Variants in MIA2 observed in about 807,000 individuals in gnomAD.
MIA2 encodes melanoma inhibitory activity protein 2.
A neutral mutation model predicts 167.8 loss-of-function variants in MIA2; 127 were observed. The ratio of observed to expected loss-of-function variants is 0.76; its 90% confidence interval spans 0.66 to 0.88. The LOEUF is 0.88. Ranked by LOEUF, MIA2 falls within the 40% of genes least tolerant of loss-of-function variation. The pLI is 0.00. For missense variants in MIA2, 1,690 were observed against 1,624.7 expected (o/e 1.04, Z -0.69); for synonymous variants, 552 against 541.9 (o/e 1.02, Z -0.26).
At position 39,266,047 on chromosome 14, in the gene MIA2, C is replaced by G. The variant is rs1048017612; in HGVS notation, c.1888-10887C>G. 5.1e-6 allele frequency: 5 copies of G among 985,330 alleles called. No individual in the cohort carries two copies. The Admixed American group carries it at 1.8e-4, about 36-fold the overall frequency. The allele number at this position is 985,330 out of a possible 1,614,324, so 61.0% of individuals were successfully genotyped here. On this transcript the variant is annotated intron_variant, in intron 6 of 28. Coordinates refer to ENST00000640607, the MANE Select transcript of MIA2 (RefSeq NM_001329214.4). ...AAAAATCACTTGCTGTGAACTTGGG[C>G]CAGTTTTTGATTTTTTAAATGGCAT...
intron 6 of MIA2, among the ~76,000 whole-genome samples, chr14:39,261,949 A>T (rs976166244): frequency 3.0e-4 from 46 of 151,886 alleles, no homozygotes; most frequent in African/African-American, 1.1e-3. Context: ...TTGCCTGTTC[A>T]CTCTGATGGT....
At chr14:39,283,002 C>G (rs1566715250) in intron 9 of MIA2, among the ~76,000 whole-genome samples, 2 of 152,232 alleles carry the variant, frequency 1.3e-5, no homozygotes, top group Non-Finnish European at 2.9e-5. Flanking sequence ...ATTTTTCTTT[C>G]TATATCTGGC....
intron 26 of MIA2, among the ~76,000 whole-genome samples, chr14:39,347,299 G>A (rs117015060): frequency 5.3e-5 from 8 of 152,180 alleles, no homozygotes; most frequent in East Asian, 1.9e-4. Flanking sequence ...CATTTATTTC[G>A]GAACAGTAGC....
chr14:39,285,140 A>G (rs2059437633), intron 9 of MIA2, among the ~76,000 whole-genome samples: 1 of 152,170 alleles, frequency 6.6e-6, no homozygotes, highest in Admixed American at 6.5e-5. Context: ...GAAGTCTCCC[A>G]TGTCTACTTC....
intron 22 of MIA2, among the ~76,000 whole-genome samples, chr14:39,318,735 T>A (rs981416098): frequency 6.6e-6 from 1 of 152,162 alleles, no homozygotes; most frequent in African/African-American, 2.4e-5. Flanking sequence ...TAATGGGATT[T>A]CCAGTGTTGT....
At chr14:39,317,006 G>A (rs2065578517) in intron 21 of MIA2, among the ~76,000 whole-genome samples, 1 of 152,162 alleles carries the variant, frequency 6.6e-6, no homozygotes, top group Admixed American at 6.5e-5. Flanking sequence ...ATTTAGTGAA[G>A]TCTTCTAAGG....
intron 2 of MIA2, among the ~76,000 whole-genome samples, chr14:39,239,222 A>G (rs1185824015): frequency 1.3e-5 from 2 of 152,110 alleles, no homozygotes; most frequent in East Asian, 3.8e-4. Context: ...GCAGTTCCCA[A>G]CTTTCCCTAC....
intron 13 of MIA2, among the ~76,000 whole-genome samples, chr14:39,298,534 T>TTTTTTTTTTTTG (rs2061844392): frequency 7.7e-6 from 1 of 129,916 alleles, no homozygotes; most frequent in Non-Finnish European, 1.7e-5. Flanking sequence ...AACAGAGTTT[T>TTTTTTTTTTTTG]TTTTTTTTTT....
intron 24 of MIA2, among the ~76,000 whole-genome samples, chr14:39,324,562 A>G (rs2067081816): frequency 2.0e-5 from 3 of 152,130 alleles, no homozygotes; most frequent in Admixed American, 2.0e-4. Context: ...TTGTTCTCTT[A>G]AAGGAGGTAC....
chr14:39,286,988 A>G (rs1566739426), intron 9 of MIA2, among the ~76,000 whole-genome samples: 3 of 152,076 alleles, frequency 2.0e-5, no homozygotes, highest in Non-Finnish European at 4.4e-5. Flanking sequence ...GGCCTCCCAA[A>G]GTGCTGGCAT....
chr14:39,236,989 T>C lies in MIA2; in HGVS notation c.183T>C (p.Thr61=), dbSNP rs1342786036. The C allele has an allele frequency of 2.5e-6, 4 of 1,614,040 alleles. No individual in the cohort carries two copies. Among genetic ancestry groups the C allele is most frequent in the Non-Finnish European group, 3.4e-6 (4 of 1,179,906 alleles). ...RGPDCRYLNF[T]KGEEISVYVK... ...CTGACTGCCGATACCTGAACTTCAC[T>C]AAGGGAGAAGAGATATCTGTTTATG... The change falls in exon 2 of 29, where the codon ACT becomes ACC. Residue 61 remains threonine (T), a synonymous_variant. Transcript: ENST00000640607.
At chr14:39,274,445 T>G (rs78140866) in intron 6 of MIA2, among the ~76,000 whole-genome samples, 5 of 150,930 alleles carry the variant, frequency 3.3e-5, no homozygotes, top group Admixed American at 6.6e-5. Flanking sequence ...TTTTTTTTTT[T>G]TGAGATGGAG....
At chr14:39,363,783 A>T (rs980287201) in intron 23 of MIA2, among the ~76,000 whole-genome samples, 2 of 152,240 alleles carry the variant, frequency 1.3e-5, no homozygotes, top group East Asian at 1.9e-4. Context: ...TTGCCTCTGT[A>T]TACTGTGTTT....
intron 3 of MIA2, among the ~76,000 whole-genome samples, chr14:39,244,951 A>AT (rs1247453299): frequency 2.0e-5 from 3 of 151,428 alleles, no homozygotes; most frequent in South Asian, 2.1e-4. Context: ...TAATTTTTGT[A>AT]TTTTTTTGTA....
intron 13 of MIA2, among the ~76,000 whole-genome samples, chr14:39,296,628 A>ATTTTTTT (rs2061464849): frequency 8.1e-6 from 1 of 123,896 alleles, no homozygotes; most frequent in Non-Finnish European, 1.7e-5. Context: ...TTTAATTTTT[A>ATTTTTTT]TTTTTATTAT....
At chr14:39,267,657 G>C in intron 6 of MIA2, 1 of 1,046,532 alleles carries the variant, frequency 9.6e-7, no homozygotes, top group Non-Finnish European at 1.4e-6. Flanking sequence ...CTGCTGCCCG[G>C]CTCCCGCCCG....
chr14:39,292,153 C>T (rs1334148034), intron 10 of MIA2, among the ~76,000 whole-genome samples: 2 of 152,138 alleles, frequency 1.3e-5, no homozygotes, highest in African/African-American at 4.8e-5. Flanking sequence ...ATTTTATTTG[C>T]TAACCCTCTG....
chr14:39,319,700 AAT>A (rs1250098730), intron 23 of MIA2, among the ~76,000 whole-genome samples: 1 of 152,084 alleles, frequency 6.6e-6, no homozygotes, highest in Non-Finnish European at 1.5e-5. Flanking sequence ...ATAATTAAAA[AAT>A]AGTTTCTAAT....
chr14:39,252,849 G>A lies in MIA2; in HGVS notation c.1669G>A (p.Asp557Asn). 3 of 1,613,928 alleles carry A rather than the reference G, an allele frequency of 1.9e-6. No homozygotes were observed. Among genetic ancestry groups the A allele is most frequent in the Non-Finnish European group, 2.5e-6 (3 of 1,179,866 alleles). ...TGATGAAAATTCGAAACCATCAGTA[G>A]ACACCGAAGGGCCTGCTCTGGTGGA... is the stretch of plus-strand genomic sequence containing the variant. ...DSDENSKPSV[D>N]TEGPALVEID... Residue 557 changes from aspartate to asparagine, a missense_variant, in exon 5 of 29, where the codon GAC becomes AAC. Physicochemically the swap from Asp to Asn is conservative, Grantham distance 23 (BLOSUM62 1). Transcript: ENST00000640607.
Sources: allele counts gnomAD v4.1 joint callset (sites outside exome capture counted in the v4.1 genomes callset), GRCh38; gene constraint gnomAD v4.1.1; transcripts MANE v1.5; gene names NCBI Gene and HGNC (gene_info 2026-07-23, HGNC 2026-07-21).